The following PLEKHG2 variants were observed in gnomAD, a reference collection of about 807,000 sequenced individuals.
PLEKHG2 encodes the protein pleckstrin homology domain-containing family G member 2.
PLEKHG2 carries 71 observed loss-of-function variants against 104.4 expected under a neutral mutation model. That is an observed-to-expected ratio of 0.68 (90% CI 0.56 to 0.83). The LOEUF (loss-of-function observed/expected upper bound fraction) is 0.83. PLEKHG2 is among the 40% of genes least tolerant of loss of function. The pLI is 0.00. For synonymous variants in PLEKHG2, 728 were observed against 737.0 expected, an observed-to-expected ratio of 0.99 and a Z score of 0.20; for missense variants, 1,730 against 1,809.4, an observed-to-expected ratio of 0.96 and a Z score of 0.80.
chr19:39,418,922 G>C lies in PLEKHG2; in HGVS notation c.1182G>C (p.Lys394Asn). 14 of 1,612,048 alleles carry C rather than the reference G, an allele frequency of 8.7e-6. No individual in the cohort carries two copies. The highest frequency in any genetic ancestry group is 1.2e-5 in the Non-Finnish European group (14 of 1,179,006). ...CTACTCCAACCCACTCCTAGGCCAAGAACCAAGAAGAGAAGAGGCTGTGGA... is the reference window on the plus strand; with the variant it reads ...CTACTCCAACCCACTCCTAGGCCAACAACCAAGAAGAGAAGAGGCTGTGGA... ...IPKHRHLLQA[K>N]NQEEKRLWIH... Residue 394 changes from lysine (K) to asparagine (N), a missense_variant, in exon 11 of 19, where the codon AAG becomes AAC. Lys to Asn is a moderately conservative substitution (Grantham distance 94). Coordinates refer to ENST00000425673, the MANE Select transcript of PLEKHG2 (RefSeq NM_022835.3).
rs773499046 is a variant in PLEKHG2 at position 39,416,889 on chromosome 19, A to G, written c.633A>G (p.Pro211=). 1.2e-6 allele frequency: 2 copies of G among 1,612,430 alleles called. No homozygotes were observed. Among genetic ancestry groups the G allele is most frequent in the Middle Eastern group, 1.7e-4 (1 of 6,052 alleles). Residue 211 remains proline, a synonymous_variant, in exon 7 of 19, where the codon CCA becomes CCG. Transcript: ENST00000425673. This position sits in a 1 kb window ranked among gnomAD's most constrained non-coding sequence, Gnocchi z 4.5. ...TCCGGGAGCTGTCGTTGTCTCCGCCAGCAGCCCTGTGGCTGCAGGAGCGCC... is the reference window on the plus strand; with the variant it reads ...TCCGGGAGCTGTCGTTGTCTCCGCCGGCAGCCCTGTGGCTGCAGGAGCGCC... ...ALLRELSLSP[P]AALWLQERQA...
chr19:39,421,771 C>G (rs1023534709), intron 16 of PLEKHG2: 7 of 225,116 alleles, frequency 3.1e-5, no homozygotes, highest in Admixed American at 5.3e-5. Context: ...AATCCCAGCA[C>G]TTTGGGAGGC....
rs1706441182 is a variant in PLEKHG2, at chr19:39,425,522, T to G, written c.*228T>G. The G allele has an allele frequency of 1.5e-6, 1 of 660,610 alleles. No homozygotes were observed. Among genetic ancestry groups the G allele is most frequent in the African/African-American group, 1.9e-5 (1 of 52,994 alleles). 40.9% of individuals were successfully genotyped at this position (660,610 alleles called of 1,614,324 possible). On this transcript the variant is annotated 3_prime_UTR_variant, in exon 19 of 19. Coordinates refer to ENST00000425673, the MANE Select transcript of PLEKHG2 (RefSeq NM_022835.3). ...ATACTGATTCTTTCATGCAATGATG[T>G]GTATTTTCCCATTCTGGAGGCTGTG...
At position 39,427,743 on chromosome 19, in the gene PLEKHG2, CAT is replaced by C. The variant is rs2078798777; in HGVS notation, c.*2450_*2451del. ...TTTATATAAGCTCGTTCACTGTCCTCATTACATTCCTAATATGCAAGTGAGCA... is the reference window on the plus strand; with the variant it reads ...TTTATATAAGCTCGTTCACTGTCCTCTACATTCCTAATATGCAAGTGAGCA... On this transcript the variant is annotated 3_prime_UTR_variant, in exon 19 of 19. Coordinates refer to ENST00000425673, the MANE Select transcript of PLEKHG2 (RefSeq NM_022835.3). 1 of 152,448 alleles carries C rather than the reference CAT, an allele frequency of 6.6e-6. No individual in the cohort carries two copies. Among genetic ancestry groups the C allele is most frequent in the African/African-American group, 2.4e-5 (1 of 41,460 alleles). 9.4% of individuals were successfully genotyped at this position (152,448 alleles called of 1,614,324 possible).
Position 39,416,714 on chromosome 19 carries a change from A to C in PLEKHG2, c.593+117A>C. On this transcript the variant is annotated intron_variant, in intron 6 of 18. Transcript: ENST00000425673. This position sits in a 1 kb window ranked among gnomAD's most constrained non-coding sequence, Gnocchi z 4.5. ...CAGCACCGACCCCTGCCAGGCTGTG[A>C]CAGTAACTGACCTCTCCCTCACTGC... The C allele has an allele frequency of 6.8e-7, 1 of 1,470,922 alleles. No homozygotes were observed. The highest frequency in any genetic ancestry group is 9.4e-7 in the Non-Finnish European group (1 of 1,066,296). 91.1% of individuals were successfully genotyped at this position (1,470,922 alleles called of 1,614,324 possible).
In PLEKHG2 at chr19:39,423,306, A is replaced by G. The variant is rs531178177; in HGVS notation, c.2252A>G (p.Gln751Arg). 2.5e-6 allele frequency: 4 copies of G among 1,614,066 alleles called. No individual in the cohort carries two copies. The African/African-American group carries it at 5.3e-5, about 21-fold the overall frequency. The part of the protein sequence containing the change: ...FTDFQPQDVT[Q>R]HQGFPDELAF... ...GACTTCCAGCCCCAGGATGTCACCC[A>G]ACATCAGGGATTCCCAGATGAGCTG... is the stretch of plus-strand genomic sequence containing the variant. Residue 751 changes from glutamine to arginine, a missense_variant, in exon 18 of 19, where the codon CAA (glutamine) becomes CGA (arginine). Transcript: ENST00000425673.
Position 39,414,012 on chromosome 19 carries a change from G to A in PLEKHG2, c.-22-53G>A, listed in dbSNP as rs936958076. 55 of 1,282,802 alleles carry A rather than the reference G, an allele frequency of 4.3e-5. No homozygotes were observed. In the African/African-American group the frequency reaches 7.1e-4, roughly 17 times the overall value. 79.5% of individuals were successfully genotyped at this position (1,282,802 alleles called of 1,614,324 possible). On this transcript the variant is annotated intron_variant, in intron 1 of 18. Transcript: ENST00000425673. ...TCCCAGCCCCCATCTGTGAGTCTGG[G>A]CGGCGGAGAGGCCCATGGGGTCCTG...
Position 39,420,758 on chromosome 19 carries a change from C to T in PLEKHG2, c.1305C>T (p.Pro435=). The T allele has an allele frequency of 6.2e-7, 1 of 1,614,148 alleles. No individual in the cohort carries two copies. Among genetic ancestry groups the T allele is most frequent in the Non-Finnish European group, 8.5e-7 (1 of 1,180,026 alleles). ...VLLENSLHCA[P]KSKPVLEPLT... is the part of the protein sequence containing the mutation. The stretch of plus-strand genomic sequence containing the variant: ...CCAAAACTCTCCCCACAGGTGCCCC[C>T]AAAAGTAAGCCTGTCCTAGAGCCCC... The change falls in exon 13 of 19, where the codon CCC becomes CCT. Residue 435 remains proline (P), a synonymous_variant. Transcript: ENST00000425673.
rs766651737 is a variant in PLEKHG2 at position 39,423,019 on chromosome 19, C to A, written c.1965C>A (p.Arg655=). ...PSRCEIPEGS[R]LPSLSDISDV... Reference sequence around the variant, plus strand: ...GCTGTGAAATTCCCGAAGGTTCTCGCCTTCCTAGTCTCTCTGACATTTCCG... The same window carrying A: ...GCTGTGAAATTCCCGAAGGTTCTCGACTTCCTAGTCTCTCTGACATTTCCG... Residue 655 remains arginine (R), a synonymous_variant, in exon 18 of 19, where the codon CGC becomes CGA. Transcript: ENST00000425673. The A allele has an allele frequency of 1.2e-6, 2 of 1,614,192 alleles. No homozygotes were observed. The highest frequency in any genetic ancestry group is 1.7e-6 in the Non-Finnish European group (2 of 1,180,018).
chr19:39,417,449 G>A (rs2078624180), intron 7 of PLEKHG2, 106 bp from the exon 8 acceptor site: 2 of 1,406,044 alleles, frequency 1.4e-6, no homozygotes, highest in Admixed American at 2.4e-5. Flanking sequence ...CACTGCGCCT[G>A]GCCTCTGCCC....
At chr19:39,419,080 G>A in intron 11 of PLEKHG2, 77 bp downstream of exon 11, 2 of 1,313,810 alleles carry the variant, frequency 1.5e-6, no homozygotes, top group Admixed American at 2.3e-5. Flanking sequence ...AGACGCCCCT[G>A]CCCAATGCCA....
Position 39,424,137 on chromosome 19 carries a change from A to G in PLEKHG2, c.3004A>G (p.Thr1002Ala). The G allele has an allele frequency of 6.2e-7, 1 of 1,613,674 alleles. No homozygotes were observed. Among genetic ancestry groups the G allele is most frequent in the Non-Finnish European group, 8.5e-7 (1 of 1,179,870 alleles). ...RSHMVIPAPS[T>A]AFCPEQGHCA... ...TCACATGGTTATACCAGCTCCATCC[A>G]CCGCCTTTTGTCCTGAGCAGGGACA... The change falls in exon 19 of 19, where the codon ACC (threonine) becomes GCC (alanine). Residue 1002 changes from threonine to alanine, a missense_variant. Transcript: ENST00000425673.
intron 2 of PLEKHG2, among the ~76,000 whole-genome samples, chr19:39,414,486 C>G (rs1377357458): frequency 6.6e-6 from 1 of 152,174 alleles, no homozygotes; most frequent in Non-Finnish European, 1.5e-5. Flanking sequence ...TGCGCAAAGA[C>G]AAGGAAGAGT....
In PLEKHG2 at chr19:39,414,167, CTG is replaced by C; in HGVS notation, c.84_85del (p.Cys28TrpfsTer5). 1 of 1,551,500 alleles carries C rather than the reference CTG, an allele frequency of 6.4e-7. No homozygotes were observed. Among genetic ancestry groups the C allele is most frequent in the South Asian group, 1.2e-5 (1 of 84,068 alleles). On this transcript the variant is annotated frameshift_variant, in exon 2 of 19. Transcript: ENST00000425673. LOFTEE classifies it high-confidence loss of function. ...GCGRRGEVCDCGTVCETRTAP... is the reference protein window; with the variant it reads ...GCGRRGEVCDXGTVCETRTAP... The stretch of plus-strand genomic sequence containing the variant: ...GTGGCCGAAGAGGTGAAGTGTGTGA[CTG>C]TGGCACCGTGTGTGAGACTCGGACA...
chr19:39,420,787 C>T lies in PLEKHG2; in HGVS notation c.1334C>T (p.Thr445Ile), dbSNP rs2078686885. The change falls in exon 13 of 19, where the codon ACA (threonine) becomes ATA (isoleucine). Residue 445 changes from threonine (T) to isoleucine (I), a missense_variant. Coordinates refer to ENST00000425673, the MANE Select transcript of PLEKHG2 (RefSeq NM_022835.3). ...PKSKPVLEPL[T>I]PPLGSPRPRD... Reference sequence around the variant, plus strand: ...AGTAAGCCTGTCCTAGAGCCCCTGACACCCCCACTTGGGTCTCCTCGACCT... The same window carrying T: ...AGTAAGCCTGTCCTAGAGCCCCTGATACCCCCACTTGGGTCTCCTCGACCT... 1.9e-6 allele frequency: 3 copies of T among 1,614,058 alleles called. No individual in the cohort carries two copies. The highest frequency in any genetic ancestry group is 2.5e-6 in the Non-Finnish European group (3 of 1,180,036).
At position 39,423,597 on chromosome 19, in the gene PLEKHG2, G is replaced by A. The variant is rs199844800; in HGVS notation, c.2543G>A (p.Arg848Gln). The change falls in exon 18 of 19, where the codon CGG becomes CAG. Residue 848 changes from arginine to glutamine, a missense_variant. Transcript: ENST00000425673. ...GCCAATGCCCCGCGCCGCCGGCCTC[G>A]GGTTCTGGCCCAACCCCAGCCATCC... Reference protein sequence around the residue: ...ASANAPRRRPRVLAQPQPSPC... With the variant: ...ASANAPRRRPQVLAQPQPSPC... 7.7e-5 allele frequency: 118 copies of A among 1,534,338 alleles called. No homozygotes were observed. In the African/African-American group the frequency reaches 1.2e-3, roughly 15 times the overall value.
intron 9 of PLEKHG2, 74 bp downstream of exon 9, chr19:39,418,179 G>C: frequency 3.2e-6 from 4 of 1,262,780 alleles, no homozygotes; most frequent in Non-Finnish European, 4.1e-6. Flanking sequence ...CTGTGTGCCC[G>C]GCAGTGTGGG....
At chr19:39,417,750 G>A in intron 8 of PLEKHG2, 58 bp downstream of exon 8, 3 of 1,542,054 alleles carry the variant, frequency 1.9e-6, no homozygotes, top group Non-Finnish European at 2.6e-6. Context: ...GGGGCCTTGG[G>A]GCGGGTGGGG....
At position 39,425,478 on chromosome 19, in the gene PLEKHG2, T is replaced by C; in HGVS notation, c.*184T>C. ...TCCACAGGGATGGGGAAGGGAGGAATGTCATTAATGTTTTGTTAATACTGA... is the reference window on the plus strand; with the variant it reads ...TCCACAGGGATGGGGAAGGGAGGAACGTCATTAATGTTTTGTTAATACTGA... On this transcript the variant is annotated 3_prime_UTR_variant, in exon 19 of 19. Transcript: ENST00000425673. 2.4e-6 allele frequency: 2 copies of C among 825,650 alleles called. No individual in the cohort carries two copies. Among genetic ancestry groups the C allele is most frequent in the Non-Finnish European group, 3.5e-6 (2 of 577,104 alleles). The allele number at this position is 825,650 out of a possible 1,614,324, so 51.1% of individuals were successfully genotyped here. A position where few individuals can be genotyped will look rare whatever the true frequency, so the allele number is the denominator to read the frequency against.
Sources: gnomAD v4.1 joint callset for allele counts (sites outside exome capture counted in the v4.1 genomes callset) on GRCh38, gnomAD v4.1.1 for gene constraint, Gnocchi (gnomAD v3.1) non-coding constraint, MANE v1.5 for transcripts, NCBI Gene and HGNC (gene_info 2026-07-23, HGNC 2026-07-21) for gene names.